Variants in CORIN observed in about 807,000 individuals in gnomAD.
The protein encoded by CORIN is atrial natriuretic peptide-converting enzyme.
In CORIN, 117 loss-of-function variants were observed where a neutral mutation model predicts 125.3. The observed-to-expected ratio is 0.93, with a 90% CI of 0.80 to 1.09. The LOEUF (loss-of-function observed/expected upper bound fraction) is 1.09. CORIN is among the 50% of genes least tolerant of loss of function. CORIN has a pLI of 0.00. For synonymous variants in CORIN, 450 were observed against 466.4 expected (o/e 0.96, Z 0.45); for missense variants, 1,253 against 1,306.7 (o/e 0.96, Z 0.63).
chr4:47,719,840 C>G (rs947704503), intron 5 of CORIN, among the ~76,000 whole-genome samples: 1 of 152,174 alleles, frequency 6.6e-6, no homozygotes, highest in African/African-American at 2.4e-5. Flanking sequence ...GCATGTTAGG[C>G]AATTTCAGAA....
At chr4:47,701,413 T>C (rs1726286938) in intron 5 of CORIN, among the ~76,000 whole-genome samples, 1 of 152,250 alleles carries the variant, frequency 6.6e-6, no homozygotes, top group African/African-American at 2.4e-5. Context: ...GGCCTTCAGC[T>C]TAAATTCCTA....
At chr4:47,780,211 T>C (rs1730476753) in intron 3 of CORIN, among the ~76,000 whole-genome samples, 1 of 151,850 alleles carries the variant, frequency 6.6e-6, no homozygotes, top group African/African-American at 2.4e-5. Flanking sequence ...AAATCCTCTA[T>C]GTGAATATTA....
chr4:47,694,259 T>C (rs1220463725), intron 5 of CORIN, among the ~76,000 whole-genome samples: 1 of 152,242 alleles, frequency 6.6e-6, no homozygotes, highest in Admixed American at 6.5e-5. Context: ...AGGTATATTA[T>C]CTTTGGTATT....
rs569619563 is a variant in CORIN at position 47,829,368 on chromosome 4, C to CCTTCTGGAG, written c.63+8518_63+8519insCTCCAGAAG. On this transcript the variant is annotated intron_variant, in intron 1 of 21. Coordinates refer to ENST00000273857, the MANE Select transcript of CORIN (RefSeq NM_006587.4). The stretch of plus-strand genomic sequence containing the variant: ...CATTATATTTCTACTGGGGCAGGAC[C>CCTTCTGGAG]CTTCTGGACCTTCTGGACCTTCTGG... Among the ~76,000 whole-genome samples, 255 of 152,186 alleles carry CCTTCTGGAG rather than the reference C, an allele frequency of 1.7e-3. 1 individual carries two copies. Among genetic ancestry groups the CCTTCTGGAG allele is most frequent in the Middle Eastern group, 0.014 (4 of 294 alleles).
chr4:47,819,671 G>T (rs1264882664), intron 1 of CORIN, among the ~76,000 whole-genome samples: 1 of 152,052 alleles, frequency 6.6e-6, no homozygotes, highest in Non-Finnish European at 1.5e-5. Context: ...ACTGGATAAG[G>T]GTTTCACAAG....
At chr4:47,730,717 A>C (rs961663376) in intron 5 of CORIN, among the ~76,000 whole-genome samples, 1 of 152,230 alleles carries the variant, frequency 6.6e-6, no homozygotes, top group African/African-American at 2.4e-5. Context: ...ATTGCTTTCT[A>C]TATGACTGGT....
chr4:47,792,450 G>A (rs1006946898), intron 2 of CORIN, among the ~76,000 whole-genome samples: 2 of 152,188 alleles, frequency 1.3e-5, no homozygotes, highest in Non-Finnish European at 2.9e-5. Context: ...AAAGAGTAAG[G>A]CCTTAGCCAA....
chr4:47,658,230 G>A (rs1361068372), intron 12 of CORIN, among the ~76,000 whole-genome samples: 2 of 152,220 alleles, frequency 1.3e-5, no homozygotes, highest in African/African-American at 2.4e-5. Context: ...CAGCAGGGCA[G>A]TCATTAAATC....
intron 19 of CORIN, among the ~76,000 whole-genome samples, chr4:47,607,794 C>T (rs1408817335): frequency 6.6e-6 from 1 of 151,802 alleles, no homozygotes; most frequent in Admixed American, 6.6e-5. Flanking sequence ...TTCTAAAGTA[C>T]GAATTAACCG....
chr4:47,763,309 AT>A (rs1399921088), intron 4 of CORIN, 69 bp downstream of exon 4: 38 of 1,240,022 alleles, frequency 3.1e-5, no homozygotes, highest in African/African-American at 4.5e-5. Flanking sequence ...CATTTGGATA[AT>A]TTTTTTTCTC....
At chr4:47,755,215 C>A (rs1234137879) in intron 4 of CORIN, among the ~76,000 whole-genome samples, 1 of 152,186 alleles carries the variant, frequency 6.6e-6, no homozygotes, top group Non-Finnish European at 1.5e-5. Context: ...CCATAAAATT[C>A]TTCCTTTAGC....
intron 3 of CORIN, 44 bp from the exon 4 acceptor site, chr4:47,763,630 A>G (rs1479091802): frequency 6.6e-7 from 1 of 1,518,834 alleles, no homozygotes; most frequent in Admixed American, 1.7e-5. Flanking sequence ...ACACATCAGA[A>G]GTATATGTTT....
chr4:47,650,238 A>G (rs1723679314), intron 13 of CORIN, among the ~76,000 whole-genome samples: 1 of 152,254 alleles, frequency 6.6e-6, no homozygotes, highest in Non-Finnish European at 1.5e-5. Context: ...ACAGAAAGTC[A>G]CTTAATGACA....
chr4:47,809,109 C>G (rs1469131322), intron 1 of CORIN, among the ~76,000 whole-genome samples: 2 of 152,148 alleles, frequency 1.3e-5, no homozygotes, highest in Non-Finnish European at 2.9e-5. Context: ...CTGAACAAGT[C>G]TGTTACGAGT....
intron 5 of CORIN, among the ~76,000 whole-genome samples, chr4:47,713,047 TGA>T (rs942992698): frequency 5.9e-5 from 9 of 152,056 alleles, no homozygotes; most frequent in Non-Finnish European, 1.0e-4. Flanking sequence ...TTTTAAAAAC[TGA>T]GAGGAAAAAT....
At chr4:47,669,262 G>T (rs141980640) in intron 10 of CORIN, among the ~76,000 whole-genome samples, 3 of 152,030 alleles carry the variant, frequency 2.0e-5, no homozygotes, top group African/African-American at 7.3e-5. Flanking sequence ...GTGTTATATC[G>T]TTATGATGTG....
At chr4:47,822,449 A>G (rs779164048) in intron 1 of CORIN, among the ~76,000 whole-genome samples, 23 of 152,240 alleles carry the variant, frequency 1.5e-4, no homozygotes, top group Non-Finnish European at 2.8e-4. Flanking sequence ...ATTAGTCTCA[A>G]TAATACCCCT....
chr4:47,623,069 C>CCTCTCTCTCACT (rs1722386320), intron 19 of CORIN, among the ~76,000 whole-genome samples: 2 of 93,612 alleles, frequency 2.1e-5, no homozygotes, highest in African/African-American at 1.1e-4. Context: ...CATAACATAA[C>CCTCTCTCTCACT]CTCTCTCTCT....
intron 6 of CORIN, 66 bp downstream of exon 6, chr4:47,692,904 C>T: frequency 1.6e-6 from 2 of 1,214,782 alleles, no homozygotes; most frequent in South Asian, 2.4e-5. Context: ...TACACAAATG[C>T]TGATGATTGT....
Sources: allele counts gnomAD v4.1 joint callset (sites outside exome capture counted in the v4.1 genomes callset), GRCh38; gene constraint gnomAD v4.1.1; transcripts MANE v1.5; gene names NCBI Gene and HGNC (gene_info 2026-07-23, HGNC 2026-07-21).